Variants in NCAM1 observed in about 807,000 individuals in gnomAD.
The protein encoded by NCAM1 is neural cell adhesion molecule 1, also known as antigen recognized by monoclonal antibody 5.1H11.
A neutral mutation model predicts 109.8 loss-of-function variants in NCAM1; 14 were observed. The ratio of observed to expected loss-of-function variants is 0.13; its 90% CI spans 0.08 to 0.20. The LOEUF (loss-of-function observed/expected upper bound fraction) is 0.20. NCAM1 is among the 10% of genes least tolerant of loss of function. The pLI, the probability that NCAM1 is intolerant of heterozygous loss-of-function variation, is 1.00. For missense variants in NCAM1, 774 were observed against 1,109.9 expected, an observed-to-expected ratio of 0.70 and a Z score of 4.30; for synonymous variants, 418 against 442.9, an observed-to-expected ratio of 0.94 and a Z score of 0.70.
chr11:113,171,402 C>T lies in NCAM1; in HGVS notation c.53-30977C>T, dbSNP rs147806312. On this transcript the variant is annotated intron_variant, in intron 1 of 19. Coordinates refer to ENST00000316851, the MANE Select transcript of NCAM1 (RefSeq NM_181351.5). Reference sequence around the variant, plus strand: ...ATCCCAGCACTTTGGGAGGCCGACGCGGGTAGATCACCAGAGATCAAGAGT... The same window carrying T: ...ATCCCAGCACTTTGGGAGGCCGACGTGGGTAGATCACCAGAGATCAAGAGT... Among the ~76,000 whole-genome samples the T allele has an allele frequency of 5.5e-3, 836 of 152,140 alleles. 7 individuals are homozygous for T. The highest frequency in any genetic ancestry group is 0.018 in the African/African-American group (730 of 41,500).
At chr11:112,987,423 C>G (rs782242085) in intron 1 of NCAM1, among the ~76,000 whole-genome samples, 5 of 152,090 alleles carry the variant, frequency 3.3e-5, no homozygotes, top group African/African-American at 4.8e-5. Flanking sequence ...ATGTGTAGCT[C>G]AACTCCACTT....
In NCAM1 at chr11:113,038,994, T is replaced by A. The variant is rs1004459525; in HGVS notation, c.52+77330T>A. Among the ~76,000 whole-genome samples the A allele has an allele frequency of 2.6e-5, 4 of 152,314 alleles. No homozygotes were observed. In the East Asian group the frequency reaches 5.8e-4, roughly 22 times the overall value. On this transcript the variant is annotated intron_variant, in intron 1 of 19. Transcript: ENST00000316851. ...AGGGCTGCAGACTTCTCTTCACGTATGTAAATGTCATCCATTTGTCTACTT... is the reference window on the plus strand; with the variant it reads ...AGGGCTGCAGACTTCTCTTCACGTAAGTAAATGTCATCCATTTGTCTACTT...
rs566854785 is a variant in NCAM1 at position 113,020,298 on chromosome 11, T to A, written c.52+58634T>A. Among the ~76,000 whole-genome samples, 8 of 152,300 alleles carry A rather than the reference T, an allele frequency of 5.3e-5. No homozygotes were observed. In the East Asian group the frequency reaches 1.4e-3, roughly 26 times the overall value. The stretch of plus-strand genomic sequence containing the variant: ...CCTCATTTGACCATCAGGAAGAGGC[T>A]GGGTGAGGGTGCTGGGTTGATGGGT... On this transcript the variant is annotated intron_variant, in intron 1 of 19. Transcript: ENST00000316851.
chr11:113,095,712 T>G (rs1356942814), intron 1 of NCAM1, among the ~76,000 whole-genome samples: 1 of 152,270 alleles, frequency 6.6e-6, no homozygotes, highest in African/African-American at 2.4e-5. Context: ...AATCCCATTT[T>G]ACAGATGAAG....
At chr11:113,271,329 C>CACT (rs1946265458) in intron 18 of NCAM1, among the ~76,000 whole-genome samples, 1 of 142,158 alleles carries the variant, frequency 7.0e-6, no homozygotes, top group African/African-American at 2.7e-5. Context: ...AAGATCACGC[C>CACT]ACTGCACTCC....
intron 1 of NCAM1, among the ~76,000 whole-genome samples, chr11:113,163,927 C>T (rs148735601): frequency 1.2e-4 from 18 of 152,192 alleles, no homozygotes; most frequent in African/African-American, 4.3e-4. Context: ...AAGGGAGGTG[C>T]TGGGTGCCAT....
At chr11:113,036,249 A>T (rs1952879463) in intron 1 of NCAM1, among the ~76,000 whole-genome samples, 1 of 151,148 alleles carries the variant, frequency 6.6e-6, no homozygotes, top group African/African-American at 2.4e-5. Flanking sequence ...TTATTCTCCC[A>T]CTCCAAATTT....
chr11:113,146,308 G>T (rs1565462665), intron 1 of NCAM1, among the ~76,000 whole-genome samples: 1 of 152,142 alleles, frequency 6.6e-6, no homozygotes, highest in Non-Finnish European at 1.5e-5. Context: ...TGAGCAGAAT[G>T]GGTTGTTGGT....
At chr11:113,017,671 C>T (rs1300961653) in intron 1 of NCAM1, among the ~76,000 whole-genome samples, 3 of 68,022 alleles carry the variant, frequency 4.4e-5, no homozygotes, top group East Asian at 1.7e-3. Flanking sequence ...ATGTATGTCC[C>T]CAGGCCTTGA....
chr11:113,266,880 C>A (rs1029303651), intron 17 of NCAM1, among the ~76,000 whole-genome samples: 1 of 152,168 alleles, frequency 6.6e-6, no homozygotes, highest in Non-Finnish European at 1.5e-5. Context: ...GAATGTATGA[C>A]TTGGAATGAC....
chr11:113,188,257 G>A (rs368184698), intron 1 of NCAM1, among the ~76,000 whole-genome samples: 6 of 152,270 alleles, frequency 3.9e-5, no homozygotes, highest in South Asian at 4.2e-4. Flanking sequence ...TATCACCATC[G>A]TCTGTGGATG....
chr11:113,128,147 T>A (rs920163481), intron 1 of NCAM1, among the ~76,000 whole-genome samples: 4 of 152,176 alleles, frequency 2.6e-5, no homozygotes, highest in Non-Finnish European at 5.9e-5. Context: ...GCAACCACAC[T>A]TTCTTTCCAA....
intron 1 of NCAM1, among the ~76,000 whole-genome samples, chr11:113,080,934 G>A (rs1291763551): frequency 1.3e-5 from 2 of 152,144 alleles, no homozygotes; most frequent in African/African-American, 2.4e-5. Flanking sequence ...TGGCATTTGA[G>A]GGAAGATAAG....
intron 1 of NCAM1, among the ~76,000 whole-genome samples, chr11:113,176,980 A>C (rs139032247): frequency 6.6e-6 from 1 of 152,342 alleles, no homozygotes; most frequent in East Asian, 1.9e-4. Flanking sequence ...GTTTACCAGG[A>C]ATTATAAACT....
intron 7 of NCAM1, among the ~76,000 whole-genome samples, chr11:113,210,803 C>CACACAT (rs1555113569): frequency 6.6e-6 from 1 of 150,828 alleles, no homozygotes; most frequent in Admixed American, 6.6e-5. Context: ...CACACACACA[C>CACACAT]ACACACACAC....
intron 3 of NCAM1, 97 bp downstream of exon 3, chr11:113,204,601 T>C: frequency 8.1e-7 from 1 of 1,227,168 alleles, no homozygotes; most frequent in Non-Finnish European, 1.1e-6. Flanking sequence ...AAGGACCAGC[T>C]GAGGGCCTAA....
chr11:113,127,804 T>C (rs1320012051), intron 1 of NCAM1, among the ~76,000 whole-genome samples: 3 of 152,074 alleles, frequency 2.0e-5, no homozygotes, highest in African/African-American at 4.8e-5. Flanking sequence ...TGGTTCTCAA[T>C]TGAAAGATGG....
chr11:113,168,436 G>A (rs1478396374), intron 1 of NCAM1, among the ~76,000 whole-genome samples: 1 of 152,140 alleles, frequency 6.6e-6, no homozygotes, highest in Admixed American at 6.5e-5. Flanking sequence ...TTGCACGGTC[G>A]TGACTAGCTC....
At chr11:113,053,734 A>C (rs1555082144) in intron 1 of NCAM1, among the ~76,000 whole-genome samples, 1 of 152,182 alleles carries the variant, frequency 6.6e-6, no homozygotes, top group Non-Finnish European at 1.5e-5. Flanking sequence ...CTTATAACTT[A>C]AGTGAGGGTC....
Sources: gnomAD v4.1 joint callset for allele counts (sites outside exome capture counted in the v4.1 genomes callset) on GRCh38, gnomAD v4.1.1 for gene constraint, MANE v1.5 for transcripts, NCBI Gene and HGNC (gene_info 2026-07-23, HGNC 2026-07-21) for gene names.